The following GCNT2 variants were observed in gnomAD, a reference collection of about 807,000 sequenced individuals.
GCNT2 encodes N-acetyllactosaminide beta-1,6-N-acetylglucosaminyl-transferase.
A neutral mutation model predicts 34.2 loss-of-function variants in GCNT2; 34 were observed. The observed-to-expected ratio is 1.00, with a 90% CI of 0.76 to 1.32. The LOEUF (loss-of-function observed/expected upper bound fraction) is 1.32. GCNT2 is among the 40% of genes most tolerant of loss of function. GCNT2 has a pLI of 0.00. For missense variants in GCNT2, 584 were observed against 489.4 expected, an observed-to-expected ratio of 1.19 and a Z score of -1.82; for synonymous variants, 212 against 188.0, an observed-to-expected ratio of 1.13 and a Z score of -1.04.
chr6:10,563,341 G>A lies in GCNT2; in HGVS notation c.925+33505G>A, dbSNP rs369683979. ...TGTCACTCTATTATATTTGGACAATGCTTAATTTGCAAGGGAAATTTCTTA... is the reference window on the plus strand; with the variant it reads ...TGTCACTCTATTATATTTGGACAATACTTAATTTGCAAGGGAAATTTCTTA... On this transcript the variant is annotated intron_variant, in intron 3 of 4. Transcript: ENST00000495262. 5.9e-4 allele frequency among the ~76,000 whole-genome samples: 90 copies of A among 152,250 alleles called. 2 individuals carry two copies. The South Asian group carries it at 0.013, about 22-fold the overall frequency.
intron 3 of GCNT2, among the ~76,000 whole-genome samples, chr6:10,554,366 C>T (rs941598422): frequency 2.0e-5 from 3 of 152,014 alleles, no homozygotes; most frequent in Non-Finnish European, 2.9e-5. Flanking sequence ...GGATTGAGTA[C>T]GGAAGTATTA....
At chr6:10,536,498 G>T (rs1470210939) in intron 3 of GCNT2, among the ~76,000 whole-genome samples, 2 of 149,816 alleles carry the variant, frequency 1.3e-5, no homozygotes, top group Non-Finnish European at 3.0e-5. Context: ...GGGACTACAG[G>T]CGCCCACCAC....
intron 3 of GCNT2, among the ~76,000 whole-genome samples, chr6:10,608,982 G>A (rs1421222990): frequency 3.3e-5 from 5 of 152,148 alleles, no homozygotes; most frequent in Admixed American, 1.3e-4. Context: ...CTAAAACCCC[G>A]GTGAATTGTT....
intron 3 of GCNT2, among the ~76,000 whole-genome samples, chr6:10,581,064 C>T (rs609174): frequency 0.017 from 2,585 of 152,106 alleles, 60 homozygotes; most frequent in African/African-American, 0.057. Context: ...TTTGCCTGCC[C>T]AATTATTTAC....
intron 3 of GCNT2, among the ~76,000 whole-genome samples, chr6:10,607,169 A>G (rs760005117): frequency 6.6e-6 from 1 of 152,022 alleles, no homozygotes; most frequent in Non-Finnish European, 1.5e-5. Context: ...GCTGGTTTTG[A>G]ACTCTTGACC....
chr6:10,621,006 T>A (rs1238699027), intron 3 of GCNT2, among the ~76,000 whole-genome samples: 1 of 152,158 alleles, frequency 6.6e-6, no homozygotes, highest in Non-Finnish European at 1.5e-5. Context: ...TCAATCGCGC[T>A]GAAGTGGAGA....
chr6:10,536,666 C>G (rs1352234512), intron 3 of GCNT2, among the ~76,000 whole-genome samples: 1 of 148,974 alleles, frequency 6.7e-6, no homozygotes, highest in Non-Finnish European at 1.5e-5. Context: ...TTGTCAACTT[C>G]TAGAAAAGGA....
At chr6:10,545,834 T>C (rs1487957826) in intron 3 of GCNT2, among the ~76,000 whole-genome samples, 2 of 152,080 alleles carry the variant, frequency 1.3e-5, no homozygotes, top group Admixed American at 6.6e-5. Context: ...GATGGCAGGG[T>C]AAATGAAATT....
intron 3 of GCNT2, among the ~76,000 whole-genome samples, chr6:10,602,179 C>A (rs546049886): frequency 1.3e-5 from 2 of 152,114 alleles, no homozygotes; most frequent in African/African-American, 4.8e-5. Context: ...GCAATATAAT[C>A]CTATATACAG....
At chr6:10,557,836 C>T (rs769715109) in intron 3 of GCNT2, 1 of 155,376 alleles carries the variant, frequency 6.4e-6, no homozygotes, top group Non-Finnish European at 1.4e-5. Flanking sequence ...TCTAGCACTA[C>T]TAAGTAATAC....
At chr6:10,567,172 G>C (rs76906452) in intron 3 of GCNT2, among the ~76,000 whole-genome samples, 1 of 152,146 alleles carries the variant, frequency 6.6e-6, no homozygotes, top group East Asian at 1.9e-4. Context: ...ATAATAAAAT[G>C]AAATTGGCCA....
At chr6:10,625,211 C>G (rs1766205926) in intron 4 of GCNT2, among the ~76,000 whole-genome samples, 1 of 152,204 alleles carries the variant, frequency 6.6e-6, no homozygotes, top group African/African-American at 2.4e-5. Context: ...AACAAGCTCT[C>G]CAGTTTGTGT....
At chr6:10,530,564 G>C (rs1761438606) in intron 3 of GCNT2, among the ~76,000 whole-genome samples, 1 of 151,360 alleles carries the variant, frequency 6.6e-6, no homozygotes, top group Admixed American at 6.6e-5. Context: ...CTCTTTTCTG[G>C]TCTTGAATCA....
chr6:10,586,964 T>C (rs1225955513), intron 3 of GCNT2: 1 of 1,272,912 alleles, frequency 7.9e-7, no homozygotes, highest in South Asian at 1.2e-5. Flanking sequence ...GCTAACATTC[T>C]GCTCGCCTAG....
chr6:10,567,155 C>A (rs534740334), intron 3 of GCNT2, among the ~76,000 whole-genome samples: 1 of 151,874 alleles, frequency 6.6e-6, no homozygotes, highest in Non-Finnish European at 1.5e-5. Context: ...CACATCTCAA[C>A]AAAAAAATAA....
chr6:10,557,226 C>G, intron 3 of GCNT2: 1 of 1,592,888 alleles, frequency 6.3e-7, no homozygotes, highest in Non-Finnish European at 8.5e-7. Context: ...GTGGCTCTAT[C>G]AAGAGAGTTT....
At chr6:10,527,003 G>A (rs970717919) in intron 1 of GCNT2, among the ~76,000 whole-genome samples, 10 of 152,026 alleles carry the variant, frequency 6.6e-5, no homozygotes, top group African/African-American at 2.2e-4. Context: ...AGATACATTG[G>A]AAAAATTAGG....
At chr6:10,583,217 C>G (rs1223317697) in intron 3 of GCNT2, among the ~76,000 whole-genome samples, 1 of 152,164 alleles carries the variant, frequency 6.6e-6, no homozygotes, top group Non-Finnish European at 1.5e-5. Context: ...AAATCAATAT[C>G]CATCGCATCC....
intron 3 of GCNT2, among the ~76,000 whole-genome samples, chr6:10,606,603 C>CTTCCATTAATGAAATTTAATGGAAAT (rs1765319529): frequency 1.6e-5 from 1 of 60,626 alleles, no homozygotes. Flanking sequence ...GTACCTTTAA[C>CTTCCATTAATGAAATTTAATGGAAAT]TTCCATTAAA....
Sources: allele counts gnomAD v4.1 joint callset (sites outside exome capture counted in the v4.1 genomes callset), GRCh38; gene constraint gnomAD v4.1.1; transcripts MANE v1.5; gene names NCBI Gene and HGNC (gene_info 2026-07-23, HGNC 2026-07-21).